Variants in GALNTL6 observed in about 807,000 individuals in gnomAD.
GALNTL6 encodes polypeptide N-acetylgalactosaminyltransferase like 6.
In GALNTL6, 46 loss-of-function variants were observed where a neutral mutation model predicts 73.7. The ratio of observed to expected loss-of-function variants is 0.62; its 90% confidence interval spans 0.49 to 0.80. GALNTL6 has a LOEUF of 0.80. Ranked by LOEUF, GALNTL6 falls within the 30% of genes least tolerant of loss-of-function variation. The pLI is 0.00. For synonymous variants in GALNTL6, 259 were observed against 263.7 expected, an observed-to-expected ratio of 0.98 and a Z score of 0.17; for missense variants, 604 against 755.0, an observed-to-expected ratio of 0.80 and a Z score of 2.34.
intron 5 of GALNTL6, among the ~76,000 whole-genome samples, chr4:172,513,171 T>G (rs183971711): frequency 6.6e-6 from 1 of 152,182 alleles, no homozygotes; most frequent in Non-Finnish European, 1.5e-5. Flanking sequence ...TTCTTTGTCT[T>G]TGTCAGATGA....
chr4:172,792,519 C>A (rs183226384), intron 5 of GALNTL6, among the ~76,000 whole-genome samples: 1 of 151,910 alleles, frequency 6.6e-6, no homozygotes, highest in African/African-American at 2.4e-5. Flanking sequence ...AATATTTTAC[C>A]TGTGAATGTA....
At chr4:172,790,827 A>C (rs904328977) in intron 5 of GALNTL6, among the ~76,000 whole-genome samples, 58 of 144,916 alleles carry the variant, frequency 4.0e-4, no homozygotes, top group African/African-American at 1.3e-3. Flanking sequence ...GGGACCTGGG[A>C]GGCAGAGGTT....
chr4:172,687,236 A>T (rs1732970162), intron 5 of GALNTL6, among the ~76,000 whole-genome samples: 1 of 152,152 alleles, frequency 6.6e-6, no homozygotes, highest in African/African-American at 2.4e-5. Context: ...ATTACTCAGC[A>T]CTTGAAAATT....
At chr4:173,016,094 T>C (rs891510497) in intron 11 of GALNTL6, among the ~76,000 whole-genome samples, 7 of 152,190 alleles carry the variant, frequency 4.6e-5, no homozygotes, top group African/African-American at 1.4e-4. Context: ...TGCACAGAAG[T>C]CAATAATTAA....
chr4:172,225,683 G>A (rs1736837347), intron 2 of GALNTL6, among the ~76,000 whole-genome samples: 1 of 152,100 alleles, frequency 6.6e-6, no homozygotes, highest in South Asian at 2.1e-4. Context: ...TTGAGCCCAG[G>A]AGGCAGAGGT....
rs1346250850 is a variant in GALNTL6 at position 172,653,651 on chromosome 4, T to A, written c.554-155710T>A. Among the ~76,000 whole-genome samples the A allele has an allele frequency of 3.9e-5, 6 of 152,344 alleles. No homozygotes were observed. The South Asian group carries it at 1.2e-3, about 32-fold the overall frequency. On this transcript the variant is annotated intron_variant, in intron 5 of 12. Transcript: ENST00000506823. ...TATCTTCCCCCCAACAGACATACTT[T>A]ACTAAAAGATGTTGTGCTCTTCTAT...
intron 2 of GALNTL6, among the ~76,000 whole-genome samples, chr4:172,037,305 A>G (rs1416266683): frequency 6.6e-6 from 1 of 152,178 alleles, no homozygotes; most frequent in Non-Finnish European, 1.5e-5. Flanking sequence ...TGGAGCTAAC[A>G]GTATTCCTGC....
chr4:172,741,201 T>C lies in GALNTL6; in HGVS notation c.554-68160T>C, dbSNP rs73872726. ...AAAAATGAAAATAATTTAGGGTCAT[T>C]TGAACCTAACAGTTTGAAAGGTTCT... is the stretch of plus-strand genomic sequence containing the variant. On this transcript the variant is annotated intron_variant, in intron 5 of 12. Coordinates refer to ENST00000506823, the MANE Select transcript of GALNTL6 (RefSeq NM_001034845.3). 6.1e-3 allele frequency among the ~76,000 whole-genome samples: 930 copies of C among 152,264 alleles called. 9 individuals are homozygous for C. Among genetic ancestry groups the C allele is most frequent in the African/African-American group, 0.017 (727 of 41,576 alleles).
At chr4:172,244,692 C>A (rs909150790) in intron 3 of GALNTL6, among the ~76,000 whole-genome samples, 2 of 152,078 alleles carry the variant, frequency 1.3e-5, no homozygotes, top group Admixed American at 6.6e-5. Flanking sequence ...CTTGAAGCAA[C>A]TAGCATATGT....
At chr4:172,645,648 GA>G (rs894212629) in intron 5 of GALNTL6, among the ~76,000 whole-genome samples, 8 of 151,194 alleles carry the variant, frequency 5.3e-5, no homozygotes, top group Admixed American at 2.0e-4. Flanking sequence ...CAGATTAATA[GA>G]AAAAAAAGCA....
At chr4:172,162,047 A>G (rs1734486810) in intron 2 of GALNTL6, among the ~76,000 whole-genome samples, 1 of 152,074 alleles carries the variant, frequency 6.6e-6, no homozygotes, top group African/African-American at 2.4e-5. Context: ...ACGAAGTCGT[A>G]CAATGTAACA....
At chr4:172,499,830 A>G (rs980209240) in intron 5 of GALNTL6, among the ~76,000 whole-genome samples, 2 of 152,208 alleles carry the variant, frequency 1.3e-5, no homozygotes, top group African/African-American at 4.8e-5. Context: ...GAATCAGTGA[A>G]CTTGAGGATA....
intron 2 of GALNTL6, among the ~76,000 whole-genome samples, chr4:172,087,734 CATAA>C (rs1270469547): frequency 6.8e-6 from 1 of 146,994 alleles, no homozygotes; most frequent in African/African-American, 2.5e-5. Context: ...CCCCTCAAAA[CATAA>C]ACAGTGATTA....
chr4:172,333,817 G>A (rs1042616033), intron 4 of GALNTL6, among the ~76,000 whole-genome samples: 1 of 152,018 alleles, frequency 6.6e-6, no homozygotes, highest in South Asian at 2.1e-4. Flanking sequence ...TTTATAGTTT[G>A]GGAGCTTATG....
intron 2 of GALNTL6, among the ~76,000 whole-genome samples, chr4:172,098,510 AT>A (rs1194887784): frequency 6.6e-6 from 1 of 152,070 alleles, no homozygotes; most frequent in African/African-American, 2.4e-5. Context: ...GAGTGTAAGG[AT>A]TTTTATCTGA....
chr4:172,675,019 A>T (rs139382833), intron 5 of GALNTL6, among the ~76,000 whole-genome samples: 1 of 152,260 alleles, frequency 6.6e-6, no homozygotes, highest in African/African-American at 2.4e-5. Context: ...TGGAGACATG[A>T]TGCAGTCATT....
At chr4:171,948,361 A>G (rs561552166) in intron 2 of GALNTL6, among the ~76,000 whole-genome samples, 2 of 152,200 alleles carry the variant, frequency 1.3e-5, no homozygotes, top group Non-Finnish European at 2.9e-5. Flanking sequence ...AATAAGTAGT[A>G]TATAAAGTAA....
rs1007248028 is a variant in GALNTL6 at position 171,851,454 on chromosome 4, G to T, written c.138+36736G>T. Among the ~76,000 whole-genome samples, 21 of 152,172 alleles carry T rather than the reference G, an allele frequency of 1.4e-4. 1 individual carries two copies. The highest frequency in any genetic ancestry group is 1.1e-3 in the Admixed American group (17 of 15,280). On this transcript the variant is annotated intron_variant, in intron 2 of 12. Transcript: ENST00000506823. The stretch of plus-strand genomic sequence containing the variant: ...GTCTCTCCATATTGCTTTTGACAAT[G>T]CCTGAGAGACTGTTATATATTATGT...
At chr4:171,856,587 T>C (rs2110871507) in intron 2 of GALNTL6, among the ~76,000 whole-genome samples, 1 of 152,314 alleles carries the variant, frequency 6.6e-6, no homozygotes, top group South Asian at 2.1e-4. Flanking sequence ...AGTTAATTTT[T>C]GTGAAAAGTA....
Sources: allele counts gnomAD v4.1 joint callset (sites outside exome capture counted in the v4.1 genomes callset), GRCh38; gene constraint gnomAD v4.1.1; transcripts MANE v1.5; gene names NCBI Gene and HGNC (gene_info 2026-07-23, HGNC 2026-07-21).